Variants in RUNX1 observed in about 807,000 individuals in gnomAD.
RUNX1 encodes runt-related transcription factor 1.
Under a neutral mutation model 42.8 loss-of-function variants are expected in RUNX1, and 19 were observed. The observed-to-expected ratio is 0.44, with a 90% CI of 0.31 to 0.65. RUNX1 has a LOEUF of 0.65. Among genes scored for constraint, RUNX1 ranks in the 30% least tolerant of loss-of-function variants. The probability of loss-of-function intolerance (pLI) is 0.07; values close to 1 mark genes in which losing one functional copy is unlikely to be tolerated. For missense variants in RUNX1, 528 were observed against 672.0 expected (o/e 0.79, Z 2.37); for synonymous variants, 271 against 289.4 (o/e 0.94, Z 0.64).
chr21:35,036,354 G>A (rs774792783), intron 2 of RUNX1, among the ~76,000 whole-genome samples: 1 of 152,154 alleles, frequency 6.6e-6, no homozygotes, highest in Non-Finnish European at 1.5e-5. Flanking sequence ...TGTTTGCAGA[G>A]CAGCCGTGAG....
rs950419274 is a variant in RUNX1 at position 34,989,153 on chromosome 21, C to T, written c.58+59689G>A. On this transcript the variant is annotated intron_variant, in intron 2 of 8. Coordinates refer to ENST00000675419, the MANE Select transcript of RUNX1 (RefSeq NM_001754.5). The stretch of plus-strand genomic sequence containing the variant: ...TCTCCTGAGTAGCTGAGATTACAGG[C>T]GCCCGCCGCCACACCCAGCTAATTT... Among the ~76,000 whole-genome samples, 36 of 152,054 alleles carry T rather than the reference C, an allele frequency of 2.4e-4. 2 individuals are homozygous for T. The highest frequency in any genetic ancestry group is 1.6e-3 in the Admixed American group (24 of 15,270).
intron 6 of RUNX1, among the ~76,000 whole-genome samples, chr21:34,853,899 G>A (rs562281323): frequency 8.7e-5 from 13 of 148,662 alleles, no homozygotes; most frequent in South Asian, 2.1e-4. Context: ...TGCAACTTCC[G>A]CCTCCTGGGT....
At chr21:34,821,341 A>G in intron 7 of RUNX1, 2 of 1,188,958 alleles carry the variant, frequency 1.7e-6, no homozygotes, top group Non-Finnish European at 2.1e-6. Context: ...ATCCATGCTA[A>G]ATATTTGATA....
chr21:34,888,014 G>A (rs1256230910), intron 3 of RUNX1: 3 of 1,066,104 alleles, frequency 2.8e-6, no homozygotes, highest in Non-Finnish European at 3.4e-6. Context: ...TGTGAACTCG[G>A]GTTTGGGGAT....
chr21:34,819,301 C>T (rs930248849), intron 7 of RUNX1, among the ~76,000 whole-genome samples: 2 of 152,188 alleles, frequency 1.3e-5, no homozygotes, highest in African/African-American at 2.4e-5. Context: ...GAGCTCGAGC[C>T]CCCGGGAGTG....
At chr21:34,887,198 G>A (rs1338849381) in intron 3 of RUNX1, 102 bp from the exon 4 acceptor site, 1 of 1,312,840 alleles carries the variant, frequency 7.6e-7, no homozygotes, top group Non-Finnish European at 9.9e-7. Flanking sequence ...GCAGCTCCCG[G>A]GAGACCAACA....
chr21:34,991,270 C>T (rs2058935808), intron 2 of RUNX1, among the ~76,000 whole-genome samples: 1 of 152,112 alleles, frequency 6.6e-6, no homozygotes, highest in Non-Finnish European at 1.5e-5. Flanking sequence ...CCCGAAATTC[C>T]CTCGGTCCTC....
rs545234795 is a variant in RUNX1, at chr21:35,015,784, G to A, written c.58+33058C>T. Among the ~76,000 whole-genome samples, 287 of 152,306 alleles carry A rather than the reference G, an allele frequency of 1.9e-3. 3 individuals are homozygous for A. Among genetic ancestry groups the A allele is most frequent in the Admixed American group, 0.012 (180 of 15,298 alleles). On this transcript the variant is annotated intron_variant, in intron 2 of 8. Coordinates refer to ENST00000675419, the MANE Select transcript of RUNX1 (RefSeq NM_001754.5). ...TTCACAAGAACTCTATGGAGTAAGC[G>A]TTGTCCCTGTTTTACAGACAACAAA...
At chr21:34,988,227 C>A (rs2058906983) in intron 2 of RUNX1, among the ~76,000 whole-genome samples, 1 of 152,160 alleles carries the variant, frequency 6.6e-6, no homozygotes, top group Non-Finnish European at 1.5e-5. Context: ...CCTGGTGCCC[C>A]TGGGGTCAGT....
intron 7 of RUNX1, among the ~76,000 whole-genome samples, chr21:34,805,296 A>G (rs1193999461): frequency 6.6e-6 from 1 of 152,248 alleles, no homozygotes; most frequent in Non-Finnish European, 1.5e-5. Flanking sequence ...AAACAGTGGA[A>G]GAAATACTTG....
At chr21:34,809,086 T>C (rs188665185) in intron 7 of RUNX1, among the ~76,000 whole-genome samples, 1 of 152,312 alleles carries the variant, frequency 6.6e-6, no homozygotes, top group East Asian at 1.9e-4. Context: ...TCTTCTGCAC[T>C]GTGCACTTTC....
intron 2 of RUNX1, among the ~76,000 whole-genome samples, chr21:34,937,074 C>A (rs570675130): frequency 6.6e-6 from 1 of 152,140 alleles, no homozygotes; most frequent in Non-Finnish European, 1.5e-5. Flanking sequence ...CAGACAGAGG[C>A]CTGGCCTGAA....
chr21:34,863,673 GC>G (rs1290115010), intron 5 of RUNX1, among the ~76,000 whole-genome samples: 1 of 149,736 alleles, frequency 6.7e-6, no homozygotes, highest in Non-Finnish European at 1.5e-5. Context: ...TCCTGCCTCA[GC>G]CTCCCGAGTA....
chr21:35,041,171 G>A (rs895574331), intron 2 of RUNX1, among the ~76,000 whole-genome samples: 18 of 152,158 alleles, frequency 1.2e-4, no homozygotes, highest in African/African-American at 3.9e-4. Context: ...GTATTCTAAC[G>A]CCCAGAAGTA....
chr21:34,801,516 T>G (rs1434722646), intron 7 of RUNX1, among the ~76,000 whole-genome samples: 1 of 152,134 alleles, frequency 6.6e-6, no homozygotes, highest in Non-Finnish European at 1.5e-5. Flanking sequence ...GTTCTATGAG[T>G]TTTTTTGTTT....
chr21:34,981,998 A>G (rs1470748331), intron 2 of RUNX1, among the ~76,000 whole-genome samples: 4 of 152,230 alleles, frequency 2.6e-5, no homozygotes, highest in Non-Finnish European at 5.9e-5. Flanking sequence ...GCAGCTGGAT[A>G]GTGAGACAGA....
chr21:35,002,629 T>C (rs1400925614), intron 2 of RUNX1, among the ~76,000 whole-genome samples: 1 of 151,936 alleles, frequency 6.6e-6, no homozygotes, highest in African/African-American at 2.4e-5. Context: ...GGTTTCACCA[T>C]ATTGGCCAGG....
intron 2 of RUNX1, among the ~76,000 whole-genome samples, chr21:34,993,514 C>CAG (rs2058962688): frequency 6.7e-6 from 1 of 150,188 alleles, no homozygotes; most frequent in African/African-American, 2.5e-5. Flanking sequence ...CACACACACA[C>CAG]ACACACACAC....
intron 2 of RUNX1, among the ~76,000 whole-genome samples, chr21:34,979,519 C>T (rs1275099561): frequency 6.6e-6 from 1 of 152,158 alleles, no homozygotes; most frequent in Non-Finnish European, 1.5e-5. Flanking sequence ...TTCAGGAAGA[C>T]CTTGACAAAC....
Sources: gnomAD v4.1 joint callset for allele counts (sites outside exome capture counted in the v4.1 genomes callset) on GRCh38, gnomAD v4.1.1 for gene constraint, MANE v1.5 for transcripts, NCBI Gene and HGNC (gene_info 2026-07-23, HGNC 2026-07-21) for gene names.